FILIP1L: variants seen among roughly 807,000 people sequenced by gnomAD.
FILIP1L encodes the protein filamin A interacting protein 1 like, also known as filamin A-interacting protein 1-like.
FILIP1L carries 55 observed loss-of-function variants against 96.6 expected under a neutral mutation model. The ratio of observed to expected loss-of-function variants is 0.57; its 90% CI spans 0.46 to 0.71. The LOEUF (loss-of-function observed/expected upper bound fraction) is 0.71. Among genes scored for constraint, FILIP1L ranks in the 30% least tolerant of loss-of-function variants. The probability of loss-of-function intolerance (pLI) is 0.00; values close to 1 mark genes in which losing one functional copy is unlikely to be tolerated. For missense variants in FILIP1L, 1,304 were observed against 1,321.2 expected, an observed-to-expected ratio of 0.99 and a Z score of 0.20; for synonymous variants, 467 against 473.9, an observed-to-expected ratio of 0.99 and a Z score of 0.19.
intron 1 of FILIP1L, chr3:100,075,599 G>T (rs2065837804): frequency 6.7e-6 from 1 of 148,718 alleles, no homozygotes. Context: ...TATACCCACT[G>T]ATGGCAGACT....
intron 1 of FILIP1L, among the ~76,000 whole-genome samples, chr3:100,004,722 T>C (rs1182993340): frequency 1.3e-5 from 2 of 152,178 alleles, no homozygotes; most frequent in Non-Finnish European, 2.9e-5. Context: ...GTAGTGATAA[T>C]ACCTAAAAGG....
chr3:100,027,114 G>C (rs1016894314), intron 1 of FILIP1L, among the ~76,000 whole-genome samples: 1 of 152,028 alleles, frequency 6.6e-6, no homozygotes, highest in Non-Finnish European at 1.5e-5. Flanking sequence ...CCTTGGACAC[G>C]CTATCTAAAC....
intron 1 of FILIP1L, among the ~76,000 whole-genome samples, chr3:99,948,287 GT>G (rs1190022647): frequency 4.6e-5 from 7 of 152,004 alleles, no homozygotes; most frequent in Non-Finnish European, 1.0e-4. Flanking sequence ...GAGCCCCGGA[GT>G]TTGAGATCAG....
chr3:99,957,703 T>TTTTTTTTTTTTTTTTTTTTTTTTTTG (rs1708369433), intron 1 of FILIP1L, among the ~76,000 whole-genome samples: 1 of 118,258 alleles, frequency 8.5e-6, no homozygotes, highest in Non-Finnish European at 1.7e-5. Context: ...CTTTTTTTTT[T>TTTTTTTTTTTTTTTTTTTTTTTTTTG]TTTTTTTTTT....
At chr3:99,835,817 A>G (rs984836057) in intron 5 of FILIP1L, among the ~76,000 whole-genome samples, 5 of 152,234 alleles carry the variant, frequency 3.3e-5, no homozygotes, top group East Asian at 1.9e-4. Flanking sequence ...AACTCAGTGG[A>G]AAACTAAAAA....
At chr3:99,978,840 A>T (rs1324336275) in intron 1 of FILIP1L, among the ~76,000 whole-genome samples, 1 of 151,976 alleles carries the variant, frequency 6.6e-6, no homozygotes, top group African/African-American at 2.4e-5. Flanking sequence ...AGCTGAGATT[A>T]CACCACTGCA....
At chr3:100,090,440 A>ATTTAGAGAAAGCAATTCCACCTCTGAT (rs1414956551) in intron 1 of FILIP1L, among the ~76,000 whole-genome samples, 8 of 152,240 alleles carry the variant, frequency 5.3e-5, no homozygotes, top group Non-Finnish European at 1.2e-4. Flanking sequence ...TTTCTAAGAA[A>ATTTAGAGAAAGCAATTCCACCTCTGAT]TTTAGAGAAA....
chr3:100,054,620 G>A (rs1036210325), intron 1 of FILIP1L, among the ~76,000 whole-genome samples: 9 of 152,082 alleles, frequency 5.9e-5, no homozygotes, highest in East Asian at 1.9e-4. Context: ...GGAATACAAC[G>A]TGAATAATCT....
At chr3:99,946,914 C>A (rs1228568260) in intron 1 of FILIP1L, among the ~76,000 whole-genome samples, 2 of 152,030 alleles carry the variant, frequency 1.3e-5, no homozygotes, top group African/African-American at 4.8e-5. Flanking sequence ...GTGGGCGGAT[C>A]TCCTGAGGTC....
Position 99,830,625 on chromosome 3 carries a change from C to G in FILIP1L, c.3382-20G>C. 1 of 456,198 alleles carries G rather than the reference C, an allele frequency of 2.2e-6. No homozygotes were observed. The highest frequency in any genetic ancestry group is 4.4e-6 in the Non-Finnish European group (1 of 226,708). 28.3% of individuals were successfully genotyped at this position (456,198 alleles called of 1,614,324 possible). A position where few individuals can be genotyped will look rare whatever the true frequency, so the allele number is the denominator to read the frequency against. On this transcript the variant is annotated intron_variant, in intron 5 of 5. Transcript: ENST00000477258. ...CTTGATCTTGAATTAAACAAGAGAA[C>G]AAAAGGTAATTAATGGTACAGTTGG...
Position 100,114,394 on chromosome 3 carries a change from G to A in FILIP1L, c.-352C>T, listed in dbSNP as rs940247103. ...GCTTGCCAGTCTCTGTGGAAGAAAGGTTCTAACTGGACTGGGCTGCAGGAT... is the reference window on the plus strand; with the variant it reads ...GCTTGCCAGTCTCTGTGGAAGAAAGATTCTAACTGGACTGGGCTGCAGGAT... On this transcript the variant is annotated 5_prime_UTR_variant, in exon 1 of 6. Coordinates refer to ENST00000477258, the MANE Select transcript of FILIP1L (RefSeq NM_001387850.1). 6.6e-6 allele frequency: 1 copy of A among 152,366 alleles called. No individual in the cohort carries two copies. Among genetic ancestry groups the A allele is most frequent in the African/African-American group, 2.4e-5 (1 of 41,412 alleles). 9.4% of individuals were successfully genotyped at this position (152,366 alleles called of 1,614,324 possible).
At chr3:99,874,591 A>G (rs1705411630) in intron 4 of FILIP1L, 1 of 152,200 alleles carries the variant, frequency 6.6e-6, no homozygotes, top group Admixed American at 6.5e-5. Flanking sequence ...TTCTTTTAAA[A>G]TATGAAAACC....
At chr3:99,999,722 A>G (rs1255439018) in intron 1 of FILIP1L, among the ~76,000 whole-genome samples, 2 of 152,212 alleles carry the variant, frequency 1.3e-5, no homozygotes, top group Non-Finnish European at 2.9e-5. Flanking sequence ...AAAAGGTCCC[A>G]ATTAAAAGCC....
intron 4 of FILIP1L, among the ~76,000 whole-genome samples, chr3:99,896,061 G>A (rs1576555072): frequency 6.6e-6 from 1 of 152,056 alleles, no homozygotes; most frequent in East Asian, 1.9e-4. Context: ...GGATGTCTTT[G>A]TGATTACACA....
intron 1 of FILIP1L, among the ~76,000 whole-genome samples, chr3:100,033,743 T>C (rs1316520106): frequency 1.3e-5 from 2 of 152,258 alleles, no homozygotes; most frequent in African/African-American, 2.4e-5. Context: ...ATTGAAAATA[T>C]GTGGTGACTC....
rs139483111 is a variant in FILIP1L at position 99,850,065 on chromosome 3, C to T, written c.1611G>A (p.Glu537=). 1.9e-6 allele frequency: 3 copies of T among 1,612,282 alleles called. No homozygotes were observed. Among genetic ancestry groups the T allele is most frequent in the East Asian group, 4.5e-5 (2 of 44,864 alleles). Residue 537 remains glutamate, a synonymous_variant, in exon 5 of 6, where the codon GAG becomes GAA. Coordinates refer to ENST00000477258, the MANE Select transcript of FILIP1L (RefSeq NM_001387850.1). ...CCCTTTTAGTTTCCTCAATTAACTT[C>T]TCAGTAACTGTTGTTACTTTATTTT... ...VEQNKVTTVT[E]KLIEETKRAL...
At chr3:99,964,831 A>G (rs1455827896) in intron 1 of FILIP1L, among the ~76,000 whole-genome samples, 3 of 152,112 alleles carry the variant, frequency 2.0e-5, no homozygotes, top group South Asian at 2.1e-4. Context: ...CTCATCTACT[A>G]TGCTCCCTGT....
At chr3:100,074,972 G>A (rs957414132) in intron 1 of FILIP1L, among the ~76,000 whole-genome samples, 2 of 151,970 alleles carry the variant, frequency 1.3e-5, no homozygotes. Flanking sequence ...GGGATTACAG[G>A]CATGAGCCAA....
chr3:100,014,460 A>G (rs1440838855), intron 1 of FILIP1L, among the ~76,000 whole-genome samples: 1 of 152,118 alleles, frequency 6.6e-6, no homozygotes, highest in Admixed American at 6.5e-5. Context: ...ATTCCCACCA[A>G]CAGTGTATAA....
Sources: allele counts gnomAD v4.1 joint callset (sites outside exome capture counted in the v4.1 genomes callset), GRCh38; gene constraint gnomAD v4.1.1; transcripts MANE v1.5; gene names NCBI Gene and HGNC (gene_info 2026-07-23, HGNC 2026-07-21).